STK32A: variants seen among roughly 807,000 people sequenced by gnomAD.
STK32A encodes the protein serine/threonine kinase 32A, also known as serine/threonine-protein kinase 32A.
In STK32A, 41 loss-of-function variants were observed where a neutral mutation model predicts 53.2. The ratio of observed to expected loss-of-function variants is 0.77; its 90% confidence interval spans 0.60 to 1.00. The LOEUF (loss-of-function observed/expected upper bound fraction) is 1.00, where lower values mean the gene tolerates loss of function less well. STK32A is among the 50% of genes least tolerant of loss of function. The pLI is 0.00. For synonymous variants in STK32A, 166 were observed against 162.8 expected (o/e 1.02, Z -0.15); for missense variants, 458 against 485.8 (o/e 0.94, Z 0.54).
At chr5:147,347,833 G>A (rs1755763183) in intron 6 of STK32A, among the ~76,000 whole-genome samples, 1 of 152,172 alleles carries the variant, frequency 6.6e-6, no homozygotes, top group Non-Finnish European at 1.5e-5. Flanking sequence ...AGCAAGTCAT[G>A]GCTGTAGCCG....
At chr5:147,271,120 C>T (rs1385008813) in intron 2 of STK32A, among the ~76,000 whole-genome samples, 1 of 151,950 alleles carries the variant, frequency 6.6e-6, no homozygotes, top group Non-Finnish European at 1.5e-5. Context: ...AGTCAGAGAC[C>T]CCAAACGGAG....
intron 4 of STK32A, among the ~76,000 whole-genome samples, chr5:147,288,975 G>T (rs1404288849): frequency 6.6e-6 from 1 of 152,120 alleles, no homozygotes; most frequent in Non-Finnish European, 1.5e-5. Context: ...ACAAATATTC[G>T]TTCTTTCCTT....
chr5:147,304,240 C>T (rs1325713302), intron 4 of STK32A, among the ~76,000 whole-genome samples: 2 of 152,272 alleles, frequency 1.3e-5, no homozygotes, highest in African/African-American at 4.8e-5. Flanking sequence ...ACTGGCCTTG[C>T]TCAGAAAACA....
At chr5:147,273,057 C>T (rs1236604728) in intron 2 of STK32A, among the ~76,000 whole-genome samples, 1 of 152,170 alleles carries the variant, frequency 6.6e-6, no homozygotes, top group African/African-American at 2.4e-5. Flanking sequence ...GCATTCCTGC[C>T]TTACCTTCTA....
intron 11 of STK32A, among the ~76,000 whole-genome samples, chr5:147,382,303 T>G (rs1757482867): frequency 1.3e-5 from 2 of 152,162 alleles, no homozygotes; most frequent in Non-Finnish European, 2.9e-5. Flanking sequence ...TTCTATATTT[T>G]TATTAATACT....
At chr5:147,388,018 G>A (rs1581164044), downstream of STK32A, among the ~76,000 whole-genome samples, 1 of 152,134 alleles carries the variant, frequency 6.6e-6, no homozygotes, top group East Asian at 1.9e-4. Flanking sequence ...CAGAGATGAT[G>A]TTCTGCAACT....
chr5:147,254,802 G>A (rs571792319), intron 2 of STK32A, among the ~76,000 whole-genome samples: 1 of 152,158 alleles, frequency 6.6e-6, no homozygotes, highest in African/African-American at 2.4e-5. Flanking sequence ...ATGAGTCAGG[G>A]TGGAGCAATC....
At chr5:147,367,973 A>T (rs1756841502) in intron 8 of STK32A, among the ~76,000 whole-genome samples, 1 of 152,226 alleles carries the variant, frequency 6.6e-6, no homozygotes, top group African/African-American at 2.4e-5. Context: ...TGTGCTAAAC[A>T]ATTTCCTCCA....
Position 147,375,161 on chromosome 5 carries a change from GA to G in STK32A, c.983del (p.Lys328SerfsTer10), listed in dbSNP as rs766097908. ...TTTTGGAGTCCAAACCTCTACATAAGAAAAAAAAGCGTCTGGCAAAGAAGGA... is the reference window on the plus strand; with the variant it reads ...TTTTGGAGTCCAAACCTCTACATAAGAAAAAAAGCGTCTGGCAAAGAAGGA... ...MILESKPLHKKKKRLAKKEKD... is the reference protein window; with the variant it reads ...MILESKPLHKXKKRLAKKEKD... On this transcript the variant is annotated frameshift_variant, in exon 11 of 13. Transcript: ENST00000397936. LOFTEE classifies it high-confidence loss of function. 1.9e-6 allele frequency: 3 copies of G among 1,609,390 alleles called. No homozygotes were observed. Among genetic ancestry groups the G allele is most frequent in the South Asian group, 1.1e-5 (1 of 90,102 alleles).
chr5:147,260,076 C>G, intron 2 of STK32A, among the ~76,000 whole-genome samples: 1 of 123,868 alleles, frequency 8.1e-6, no homozygotes, highest in African/African-American at 3.2e-5. Flanking sequence ...TCTCTCCTGT[C>G]TCTCGCTCTC....
intron 4 of STK32A, among the ~76,000 whole-genome samples, chr5:147,301,083 C>A (rs1278364176): frequency 6.6e-6 from 1 of 152,128 alleles, no homozygotes; most frequent in African/African-American, 2.4e-5. Flanking sequence ...ATGGTTGACA[C>A]TTTTATGCCA....
chr5:147,298,691 A>G lies in STK32A; in HGVS notation c.260+19293A>G, dbSNP rs368492607. 5.4e-4 allele frequency among the ~76,000 whole-genome samples: 82 copies of G among 152,354 alleles called. 1 individual carries two copies. The highest frequency in any genetic ancestry group is 1.9e-3 in the African/African-American group (80 of 41,594). ...ATTTACTTATTTTTCAAGAGAAACTATATTCTTCTTGGCCAAATTTTGTAT... is the reference window on the plus strand; with the variant it reads ...ATTTACTTATTTTTCAAGAGAAACTGTATTCTTCTTGGCCAAATTTTGTAT... On this transcript the variant is annotated intron_variant, in intron 4 of 12. Transcript: ENST00000397936.
At chr5:147,255,443 AC>A (rs1382594744) in intron 2 of STK32A, among the ~76,000 whole-genome samples, 12 of 152,196 alleles carry the variant, frequency 7.9e-5, no homozygotes, top group African/African-American at 2.7e-4. Flanking sequence ...TCCACCTATT[AC>A]GGCTGCGAGG....
intron 6 of STK32A, among the ~76,000 whole-genome samples, chr5:147,343,504 C>A (rs1254640634): frequency 6.6e-6 from 1 of 152,190 alleles, no homozygotes; most frequent in Non-Finnish European, 1.5e-5. Flanking sequence ...ATTGGTTTTA[C>A]ATTTGCAAAT....
Position 147,302,159 on chromosome 5 carries a change from T to C in STK32A, c.261-21739T>C, listed in dbSNP as rs565694418. The stretch of plus-strand genomic sequence containing the variant: ...TGCTTATTACAAACACTATTAGTAT[T>C]TAGTGCAATTCATTCCCATTGTTTT... On this transcript the variant is annotated intron_variant, in intron 4 of 12. Transcript: ENST00000397936. 3.9e-5 allele frequency among the ~76,000 whole-genome samples: 6 copies of C among 152,298 alleles called. 1 individual carries two copies. Among genetic ancestry groups the C allele is most frequent in the African/African-American group, 4.8e-5 (2 of 41,572 alleles).
chr5:147,310,484 G>A (rs1340421706), intron 4 of STK32A, among the ~76,000 whole-genome samples: 5 of 152,134 alleles, frequency 3.3e-5, no homozygotes, highest in Admixed American at 2.6e-4. Flanking sequence ...AGAAGAGCCA[G>A]TCACAATGTA....
chr5:147,268,013 T>A (rs1480996113), intron 2 of STK32A, among the ~76,000 whole-genome samples: 2 of 152,130 alleles, frequency 1.3e-5, no homozygotes, highest in Non-Finnish European at 2.9e-5. Context: ...AAATACAGAT[T>A]CCCAGGTCCA....
At chr5:147,318,023 C>T (rs1256369855) in intron 4 of STK32A, among the ~76,000 whole-genome samples, 1 of 151,588 alleles carries the variant, frequency 6.6e-6, no homozygotes, top group Non-Finnish European at 1.5e-5. Flanking sequence ...ATTTATAATC[C>T]CACCATTTAT....
intron 4 of STK32A, among the ~76,000 whole-genome samples, chr5:147,299,747 G>A (rs1375279373): frequency 3.9e-5 from 6 of 152,192 alleles, no homozygotes; most frequent in Admixed American, 2.0e-4. Context: ...GGGTTTCTAC[G>A]GAAAAAAGAA....
Sources: gnomAD v4.1 joint callset for allele counts (sites outside exome capture counted in the v4.1 genomes callset) on GRCh38, gnomAD v4.1.1 for gene constraint, MANE v1.5 for transcripts, NCBI Gene and HGNC (gene_info 2026-07-23, HGNC 2026-07-21) for gene names.